Variants in ADK observed in about 807,000 individuals in gnomAD.
ADK encodes the protein adenosine kinase.
ADK carries 24 observed loss-of-function variants against 44.7 expected under a neutral mutation model. The ratio of observed to expected loss-of-function variants is 0.54; its 90% confidence interval spans 0.39 to 0.76. The LOEUF (loss-of-function observed/expected upper bound fraction) is 0.76, where lower values mean the gene tolerates loss of function less well. Among genes scored for constraint, ADK ranks in the 30% least tolerant of loss-of-function variants. The probability of loss-of-function intolerance (pLI) is 0.00; values close to 1 mark genes in which losing one functional copy is unlikely to be tolerated. For synonymous variants in ADK, 128 were observed against 142.6 expected (o/e 0.90, Z 0.73); for missense variants, 321 against 425.1 (o/e 0.76, Z 2.15).
rs539689189 is a variant in ADK, at chr10:74,206,947, G to A, written c.140+6109G>A. On this transcript the variant is annotated intron_variant, in intron 2 of 10. Coordinates refer to ENST00000539909, the MANE Select transcript of ADK (RefSeq NM_006721.4). ...CAGGCTTGTTCTGCTTGTTTGGCCT[G>A]GCAGGCTGCGTTCGGCTCATGCTAC... Among the ~76,000 whole-genome samples the A allele has an allele frequency of 2.0e-5, 3 of 152,218 alleles. No homozygotes were observed. In the East Asian group the frequency reaches 5.8e-4, roughly 30 times the overall value.
chr10:74,646,535 G>A (rs779792162), intron 9 of ADK, among the ~76,000 whole-genome samples: 8 of 152,194 alleles, frequency 5.3e-5, no homozygotes, highest in Non-Finnish European at 1.2e-4. Context: ...TACAAATATA[G>A]TGAGGAAAAA....
At position 74,653,318 on chromosome 10, in the gene ADK, G is replaced by C. The variant is rs755888545; in HGVS notation, c.878-16865G>C. Among the ~76,000 whole-genome samples the C allele has an allele frequency of 3.9e-5, 6 of 152,084 alleles. No homozygotes were observed. The South Asian group carries it at 6.2e-4, about 16-fold the overall frequency. The stretch of plus-strand genomic sequence containing the variant: ...AATACAAAAACTAGTTGGGCTTGGT[G>C]GTGGGCACTTTTAATCCCAGCTACA... On this transcript the variant is annotated intron_variant, in intron 9 of 10. Coordinates refer to ENST00000539909, the MANE Select transcript of ADK (RefSeq NM_006721.4).
intron 10 of ADK, among the ~76,000 whole-genome samples, chr10:74,707,737 T>G (rs1163061610): frequency 7.9e-5 from 10 of 126,062 alleles, no homozygotes; most frequent in African/African-American, 3.1e-4. Flanking sequence ...CACTCCAGCC[T>G]GGGCAACAAG....
chr10:74,275,797 T>C (rs1183477792), intron 3 of ADK, among the ~76,000 whole-genome samples: 1 of 152,156 alleles, frequency 6.6e-6, no homozygotes, highest in Non-Finnish European at 1.5e-5. Flanking sequence ...CGGACCACTA[T>C]GCCTGGGTAA....
At chr10:74,398,000 TTA>T (rs1554852866) in intron 5 of ADK, among the ~76,000 whole-genome samples, 1 of 152,244 alleles carries the variant, frequency 6.6e-6, no homozygotes, top group Non-Finnish European at 1.5e-5. Flanking sequence ...TGGTCTACAT[TTA>T]TAAGTGTCTT....
At chr10:74,639,087 G>A (rs770038814) in intron 9 of ADK, among the ~76,000 whole-genome samples, 1 of 152,182 alleles carries the variant, frequency 6.6e-6, no homozygotes, top group South Asian at 2.1e-4. Context: ...GGGATTATAA[G>A]CATGAACCAC....
intron 4 of ADK, 104 bp from the exon 5 acceptor site, chr10:74,394,037 G>A (rs1843425351): frequency 8.4e-7 from 1 of 1,187,348 alleles, no homozygotes; most frequent in Admixed American, 1.7e-5. Flanking sequence ...AACAGCTACA[G>A]TTTCTCACAA....
intron 1 of ADK, among the ~76,000 whole-genome samples, chr10:74,165,511 A>G (rs1349513336): frequency 1.3e-5 from 2 of 150,990 alleles, no homozygotes; most frequent in Non-Finnish European, 3.0e-5. Context: ...TAAGAATAAC[A>G]TATTTGAAGA....
At chr10:74,424,913 A>G (rs2133050738) in intron 6 of ADK, among the ~76,000 whole-genome samples, 1 of 152,084 alleles carries the variant, frequency 6.6e-6, no homozygotes, top group South Asian at 2.1e-4. Context: ...CATATATACA[A>G]TCCTCTTGTT....
In ADK at chr10:74,317,484, G is replaced by T. The variant is rs11597376; in HGVS notation, c.273+2739G>T. 2.4e-3 allele frequency among the ~76,000 whole-genome samples: 368 copies of T among 151,318 alleles called. 3 individuals carry two copies. The highest frequency in any genetic ancestry group is 3.5e-3 in the Non-Finnish European group (239 of 67,852). ...CTCATGCCTGTAATCCCAGCATTTT[G>T]AGAGGCTAAGTTAGGAGAATCGCTT... On this transcript the variant is annotated intron_variant, in intron 4 of 10. Coordinates refer to ENST00000539909, the MANE Select transcript of ADK (RefSeq NM_006721.4).
chr10:74,664,477 T>C (rs1854875095), intron 9 of ADK, among the ~76,000 whole-genome samples: 1 of 152,232 alleles, frequency 6.6e-6, no homozygotes, highest in Non-Finnish European at 1.5e-5. Flanking sequence ...TAGCTTTTCA[T>C]ATGTTTTATA....
chr10:74,582,531 A>G (rs1174928555), intron 7 of ADK, among the ~76,000 whole-genome samples: 2 of 152,136 alleles, frequency 1.3e-5, no homozygotes, highest in African/African-American at 2.4e-5. Flanking sequence ...AATATGCTTA[A>G]AAGTGGGAAT....
At chr10:74,652,386 A>G (rs371228212) in intron 9 of ADK, among the ~76,000 whole-genome samples, 5 of 152,004 alleles carry the variant, frequency 3.3e-5, no homozygotes, top group East Asian at 3.9e-4. Flanking sequence ...GCATTACCCA[A>G]TAGAACTTTC....
intron 1 of ADK, among the ~76,000 whole-genome samples, chr10:74,170,347 A>G (rs1842125852): frequency 1.3e-5 from 2 of 152,220 alleles, no homozygotes; most frequent in South Asian, 4.1e-4. Context: ...TGAAAAAATG[A>G]AACATTTATA....
At chr10:74,249,562 A>G (rs1845570326) in intron 3 of ADK, among the ~76,000 whole-genome samples, 2 of 152,178 alleles carry the variant, frequency 1.3e-5, no homozygotes, top group Non-Finnish European at 2.9e-5. Context: ...AAGGCCTGAC[A>G]TAGGTCTTAC....
At chr10:74,495,867 T>G (rs976901714) in intron 6 of ADK, among the ~76,000 whole-genome samples, 2 of 152,220 alleles carry the variant, frequency 1.3e-5, no homozygotes, top group African/African-American at 2.4e-5. Flanking sequence ...TTTCCAAGGT[T>G]TGGAGGGTGA....
chr10:74,702,524 T>TTTCTTTCCTTCCTTCCTTCCTTCCTTCC (rs1554900285), intron 10 of ADK, among the ~76,000 whole-genome samples: 1 of 120,818 alleles, frequency 8.3e-6, no homozygotes, highest in East Asian at 2.2e-4. Context: ...TCCTTCCTTC[T>TTTCTTTCCTTCCTTCCTTCCTTCCTTCC]TTCCTTCCTT....
intron 3 of ADK, among the ~76,000 whole-genome samples, chr10:74,241,368 T>C (rs1039166198): frequency 6.6e-6 from 1 of 152,182 alleles, no homozygotes; most frequent in Non-Finnish European, 1.5e-5. Flanking sequence ...TGAACCAATA[T>C]TGACACATCC....
intron 3 of ADK, among the ~76,000 whole-genome samples, chr10:74,286,492 A>G (rs1397336164): frequency 6.6e-6 from 1 of 152,234 alleles, no homozygotes; most frequent in African/African-American, 2.4e-5. Flanking sequence ...GGACTTAGCT[A>G]TCTAGTTAAA....
Sources: gnomAD v4.1 joint callset for allele counts (sites outside exome capture counted in the v4.1 genomes callset) on GRCh38, gnomAD v4.1.1 for gene constraint, MANE v1.5 for transcripts, NCBI Gene and HGNC (gene_info 2026-07-23, HGNC 2026-07-21) for gene names.